The following RPTOR variants were observed in gnomAD, a reference collection of about 807,000 sequenced individuals.
The protein encoded by RPTOR is regulatory associated protein of MTOR complex 1.
A neutral mutation model predicts 169.9 loss-of-function variants in RPTOR; 21 were observed. The ratio of observed to expected loss-of-function variants is 0.12; its 90% confidence interval spans 0.09 to 0.18. RPTOR has a LOEUF of 0.18. Ranked by LOEUF, RPTOR falls within the 10% of genes least tolerant of loss-of-function variation. The pLI, the probability that RPTOR is intolerant of heterozygous loss-of-function variation, is 1.00. For missense variants in RPTOR, 1,133 were observed against 1,855.9 expected (o/e 0.61, Z 7.16); for synonymous variants, 732 against 753.2 (o/e 0.97, Z 0.46).
At chr17:80,670,603 T>C (rs978621964) in intron 3 of RPTOR, among the ~76,000 whole-genome samples, 10 of 152,204 alleles carry the variant, frequency 6.6e-5, no homozygotes, top group Non-Finnish European at 1.5e-5. Flanking sequence ...GACTGTGAGC[T>C]GTAGGAGGCC....
intron 24 of RPTOR, among the ~76,000 whole-genome samples, chr17:80,930,767 C>A (rs960903090): frequency 6.6e-6 from 1 of 152,258 alleles, no homozygotes; most frequent in Non-Finnish European, 1.5e-5. Flanking sequence ...TTTGTTTCCA[C>A]TCAGCCACCA....
chr17:80,600,988 T>A (rs1312476178), intron 1 of RPTOR, among the ~76,000 whole-genome samples: 1 of 152,042 alleles, frequency 6.6e-6, no homozygotes, highest in Non-Finnish European at 1.5e-5. Flanking sequence ...AAGTTGCTGT[T>A]CTTTCCCTTG....
At chr17:80,607,840 G>C (rs553359501) in intron 1 of RPTOR, among the ~76,000 whole-genome samples, 1 of 151,966 alleles carries the variant, frequency 6.6e-6, no homozygotes, top group East Asian at 1.9e-4. Context: ...CGTACTGAAG[G>C]TAAAAATATG....
chr17:80,583,034 G>T (rs1568318245), intron 1 of RPTOR, among the ~76,000 whole-genome samples: 1 of 150,638 alleles, frequency 6.6e-6, no homozygotes, highest in Non-Finnish European at 1.5e-5. Context: ...TCTCACTTCA[G>T]CCTCCTGAGT....
intron 2 of RPTOR, among the ~76,000 whole-genome samples, chr17:80,638,337 A>G (rs1256359074): frequency 1.3e-5 from 2 of 151,198 alleles, no homozygotes; most frequent in Non-Finnish European, 3.0e-5. Context: ...CTGTGCACAC[A>G]GCTCTGTGCC....
chr17:80,743,477 G>C, intron 5 of RPTOR: 4 of 984,878 alleles, frequency 4.1e-6, no homozygotes, highest in Non-Finnish European at 4.8e-6. Flanking sequence ...TGACCCACTT[G>C]TGTGGGGAGC....
chr17:80,770,862 C>T (rs1447735756), intron 6 of RPTOR, among the ~76,000 whole-genome samples: 1 of 152,250 alleles, frequency 6.6e-6, no homozygotes, highest in Non-Finnish European at 1.5e-5. Context: ...CCACCCACCT[C>T]TTTCCTTAAA....
chr17:80,572,329 C>T (rs1220781963), intron 1 of RPTOR, among the ~76,000 whole-genome samples: 1 of 152,062 alleles, frequency 6.6e-6, no homozygotes, highest in Non-Finnish European at 1.5e-5. Context: ...TCTCGAACTC[C>T]TGGGACAAAT....
At chr17:80,962,820 C>T (rs2144104420) in intron 32 of RPTOR, 108 bp from the exon 33 acceptor site, 1 of 1,543,442 alleles carries the variant, frequency 6.5e-7, no homozygotes, top group South Asian at 1.2e-5. Context: ...CCCGAGCCAG[C>T]CTGTCCCCGT....
At chr17:80,744,358 C>G (rs1396733858) in intron 5 of RPTOR, among the ~76,000 whole-genome samples, 1 of 119,560 alleles carries the variant, frequency 8.4e-6, no homozygotes, top group African/African-American at 3.9e-5. Flanking sequence ...GCTACTAGCA[C>G]TGTCCTGGTT....
rs1567888653 is a variant in RPTOR, at chr17:80,744,421, C to CTACTAGCACAGCCCTGGT, written c.655-9572_655-9571insTTACTAGCACAGCCCTGG. 2.1e-4 allele frequency among the ~76,000 whole-genome samples: 3 copies of CTACTAGCACAGCCCTGGT among 14,516 alleles called. 1 individual carries two copies. The highest frequency in any genetic ancestry group is 3.2e-4 in the African/African-American group (1 of 3,138). 9.5% of individuals were successfully genotyped at this position (14,516 alleles called of 152,430 possible). A position where few individuals can be genotyped will look rare whatever the true frequency, so the allele number is the denominator to read the frequency against. On this transcript the variant is annotated intron_variant, in intron 5 of 33. Transcript: ENST00000306801. Reference sequence around the variant, plus strand: ...GTCCTGGCTACTAGCACAGCCCTGGCTACTAGCACAGCCCTGGCTACTAGC... The same window carrying CTACTAGCACAGCCCTGGT: ...GTCCTGGCTACTAGCACAGCCCTGGCTACTAGCACAGCCCTGGTTACTAGCACAGCCCTGGCTACTAGC...
rs1219071115 is a variant in RPTOR, at chr17:80,665,716, T to G, written c.348+21906T>G. On this transcript the variant is annotated intron_variant, in intron 3 of 33. Coordinates refer to ENST00000306801, the MANE Select transcript of RPTOR (RefSeq NM_020761.3). ...CCCGCCACCATGCCCGGCTAATTTT[T>G]TTGTATTTTTAGTAGAGATGGGGTT... Among the ~76,000 whole-genome samples, 3 of 151,748 alleles carry G rather than the reference T, an allele frequency of 2.0e-5. No individual in the cohort carries two copies. In the East Asian group the frequency reaches 5.8e-4, roughly 29 times the overall value.
At chr17:80,684,416 A>G (rs763056366) in intron 3 of RPTOR, among the ~76,000 whole-genome samples, 59 of 102,858 alleles carry the variant, frequency 5.7e-4, no homozygotes, top group East Asian at 2.1e-3. Flanking sequence ...TTATTTATTT[A>G]TTTATTTATT....
At chr17:80,939,862 C>G (rs755333489) in intron 24 of RPTOR, among the ~76,000 whole-genome samples, 39 of 152,364 alleles carry the variant, frequency 2.6e-4, no homozygotes, top group African/African-American at 8.2e-4. Flanking sequence ...GCCCCCCATT[C>G]CCTGGGGAGG....
intron 4 of RPTOR, among the ~76,000 whole-genome samples, chr17:80,712,949 C>T (rs117092745): frequency 0.054 from 8,183 of 152,190 alleles, 290 homozygotes; most frequent in Middle Eastern, 0.095. Flanking sequence ...TCTTATTTGC[C>T]GTGTTATATC....
intron 25 of RPTOR, chr17:80,941,855 C>G (rs1410443000): frequency 1.3e-5 from 2 of 152,268 alleles, no homozygotes; most frequent in Non-Finnish European, 2.9e-5. Context: ...TGCTGATCAC[C>G]GAAAACACTG....
chr17:80,857,148 A>G (rs114804875), intron 12 of RPTOR, among the ~76,000 whole-genome samples: 177 of 152,344 alleles, frequency 1.2e-3, no homozygotes, highest in African/African-American at 4.1e-3. Context: ...CATCCTCCAC[A>G]CTGCAGTGCC....
intron 30 of RPTOR, chr17:80,961,133 G>A (rs2069333460): frequency 2.1e-6 from 1 of 484,328 alleles, no homozygotes; most frequent in Non-Finnish European, 3.7e-6. Flanking sequence ...ATGTGGCTCA[G>A]ACAGTCCTCC....
At chr17:80,600,446 A>G (rs35524093) in intron 1 of RPTOR, among the ~76,000 whole-genome samples, 54,638 of 152,022 alleles carry the variant, frequency 0.36, 10,312 homozygotes, top group African/African-American at 0.47. Flanking sequence ...AATGAAGTAT[A>G]TCTGAGAAGG....
Sources: allele counts gnomAD v4.1 joint callset (sites outside exome capture counted in the v4.1 genomes callset), GRCh38; gene constraint gnomAD v4.1.1; transcripts MANE v1.5; gene names NCBI Gene and HGNC (gene_info 2026-07-23, HGNC 2026-07-21).